Variants in GFOD1 observed in about 807,000 individuals in gnomAD.
GFOD1 encodes the protein Gfo/Idh/MocA-like oxidoreductase domain containing 1.
A neutral mutation model predicts 25.4 loss-of-function variants in GFOD1; 9 were observed. The ratio of observed to expected loss-of-function variants is 0.35; its 90% confidence interval spans 0.21 to 0.62. The LOEUF is 0.62. Among genes scored for constraint, GFOD1 ranks in the 20% least tolerant of loss-of-function variants. The probability of loss-of-function intolerance (pLI) is 0.72; values close to 1 mark genes in which losing one functional copy is unlikely to be tolerated. For missense variants in GFOD1, 403 were observed against 556.9 expected (o/e 0.72, Z 2.78); for synonymous variants, 253 against 245.6 (o/e 1.03, Z -0.28).
intron 1 of GFOD1, among the ~76,000 whole-genome samples, chr6:13,425,480 T>C (rs1341623059): frequency 2.6e-5 from 4 of 152,176 alleles, no homozygotes; most frequent in Non-Finnish European, 5.9e-5. Context: ...AGAGCTAAAA[T>C]AGACAGGATT....
chr6:13,481,346 T>C (rs892925533), intron 1 of GFOD1, among the ~76,000 whole-genome samples: 1 of 152,138 alleles, frequency 6.6e-6, no homozygotes, highest in Admixed American at 6.5e-5. Flanking sequence ...GATGAGCTGG[T>C]GCAAAGGCCA....
At position 13,435,392 on chromosome 6, in the gene GFOD1, C is replaced by T. The variant is rs115149290; in HGVS notation, c.253+51246G>A. On this transcript the variant is annotated intron_variant, in intron 1 of 1. Transcript: ENST00000379287. ...TCTCAAATAAGACTTCCTTTACTCA[C>T]GAACTACTTCAGACCCCTGGCATAT... 4.5e-3 allele frequency among the ~76,000 whole-genome samples: 684 copies of T among 152,284 alleles called. 5 individuals carry two copies. Among genetic ancestry groups the T allele is most frequent in the African/African-American group, 0.016 (655 of 41,564 alleles).
In GFOD1 at chr6:13,440,515, C is replaced by T. The variant is rs62385767; in HGVS notation, c.253+46123G>A. Among the ~76,000 whole-genome samples, 6 of 152,108 alleles carry T rather than the reference C, an allele frequency of 3.9e-5. No individual in the cohort carries two copies. In the South Asian group the frequency reaches 1.2e-3, roughly 32 times the overall value. ...CAACATGAATTCTTTATTTGTGAAC[C>T]ATGTACACCTCCTGGACTGTAATCA... On this transcript the variant is annotated intron_variant, in intron 1 of 1. Coordinates refer to ENST00000379287, the MANE Select transcript of GFOD1 (RefSeq NM_018988.4).
chr6:13,472,081 AACCCCT>A (rs1758520060), intron 1 of GFOD1: 1 of 162,282 alleles, frequency 6.2e-6, no homozygotes, highest in Admixed American at 6.5e-5. Context: ...GAAAAGTGGA[AACCCCT>A]GATAAACCCA....
At chr6:13,440,182 T>C (rs978644336) in intron 1 of GFOD1, among the ~76,000 whole-genome samples, 1 of 152,102 alleles carries the variant, frequency 6.6e-6, no homozygotes, top group African/African-American at 2.4e-5. Flanking sequence ...AGGGTTAACA[T>C]TAGTTCTTTT....
At chr6:13,413,474 G>A (rs1002232855) in intron 1 of GFOD1, among the ~76,000 whole-genome samples, 19 of 152,172 alleles carry the variant, frequency 1.2e-4, no homozygotes, top group African/African-American at 4.3e-4. Flanking sequence ...AAAAACCAAC[G>A]TGATCCTCTC....
chr6:13,391,550 C>T (rs1321746552), intron 1 of GFOD1, among the ~76,000 whole-genome samples: 2 of 149,510 alleles, frequency 1.3e-5, no homozygotes, highest in South Asian at 2.1e-4. Flanking sequence ...AAGAAATTGG[C>T]CAAGGAAAAT....
intron 1 of GFOD1, chr6:13,408,212 C>T: frequency 7.1e-6 from 3 of 424,634 alleles, no homozygotes; most frequent in Non-Finnish European, 9.5e-6. Flanking sequence ...TTGGGCCAGA[C>T]TATGGCAGGC....
intron 1 of GFOD1, among the ~76,000 whole-genome samples, chr6:13,440,734 C>T (rs535599486): frequency 2.0e-5 from 3 of 152,292 alleles, no homozygotes; most frequent in South Asian, 4.1e-4. Context: ...TCAATGTAAA[C>T]AGTAGTTGGG....
rs1259249918 is a variant in GFOD1 at position 13,365,813 on chromosome 6, G to C, written c.254-151C>G. 8 of 647,126 alleles carry C rather than the reference G, an allele frequency of 1.2e-5. No individual in the cohort carries two copies. Among genetic ancestry groups the C allele is most frequent in the Non-Finnish European group, 1.8e-5 (7 of 384,790 alleles). The allele number at this position is 647,126 out of a possible 1,614,324, so 40.1% of individuals were successfully genotyped here. Reference sequence around the variant, plus strand: ...TTGTCCCAGCACTTTGGGAGGCCAAGGCCGGAGGAGGCCTTGAGCCCAGGA... The same window carrying C: ...TTGTCCCAGCACTTTGGGAGGCCAACGCCGGAGGAGGCCTTGAGCCCAGGA... On this transcript the variant is annotated intron_variant, in intron 1 of 1. Coordinates refer to ENST00000379287, the MANE Select transcript of GFOD1 (RefSeq NM_018988.4). The surrounding 1 kb of genome is among the most constrained non-coding windows in gnomAD (Gnocchi z 9.2).
intron 1 of GFOD1, among the ~76,000 whole-genome samples, chr6:13,433,986 GA>G (rs1757792136): frequency 6.6e-6 from 1 of 152,242 alleles, no homozygotes; most frequent in Admixed American, 6.5e-5. Context: ...TGAATACTAA[GA>G]GGAAGTAAAC....
At chr6:13,484,090 G>A (rs897192346) in intron 1 of GFOD1, among the ~76,000 whole-genome samples, 1 of 152,178 alleles carries the variant, frequency 6.6e-6, no homozygotes, top group African/African-American at 2.4e-5. Flanking sequence ...AAAGGAGGAT[G>A]TGTGTGATTC....
At chr6:13,424,784 A>G (rs1786323325) in intron 1 of GFOD1, among the ~76,000 whole-genome samples, 2 of 152,072 alleles carry the variant, frequency 1.3e-5, no homozygotes, top group African/African-American at 4.8e-5. Context: ...CAAAGGTTTT[A>G]AAAACAAATT....
intron 1 of GFOD1, among the ~76,000 whole-genome samples, chr6:13,402,668 C>G (rs1198405649): frequency 6.6e-6 from 1 of 152,076 alleles, no homozygotes; most frequent in South Asian, 2.1e-4. Context: ...ATAAAAAAGA[C>G]AGAAAATAAC....
intron 1 of GFOD1, among the ~76,000 whole-genome samples, chr6:13,424,160 G>A (rs1481638290): frequency 6.6e-6 from 1 of 152,188 alleles, no homozygotes; most frequent in Non-Finnish European, 1.5e-5. Context: ...GACCAGCCTG[G>A]TCATTCACCC....
intron 1 of GFOD1, among the ~76,000 whole-genome samples, chr6:13,390,861 T>C (rs1354955945): frequency 6.6e-6 from 1 of 150,902 alleles, no homozygotes; most frequent in Non-Finnish European, 1.5e-5. Flanking sequence ...AAGGTTGTTA[T>C]GAGGGCTGCA....
intron 1 of GFOD1, among the ~76,000 whole-genome samples, chr6:13,457,054 G>A (rs1004671373): frequency 2.0e-5 from 3 of 152,162 alleles, no homozygotes; most frequent in Non-Finnish European, 4.4e-5. Flanking sequence ...TAAACAGGAA[G>A]CAAATGGGCA....
intron 1 of GFOD1, among the ~76,000 whole-genome samples, chr6:13,435,237 T>A (rs1290716367): frequency 6.6e-6 from 1 of 152,154 alleles, no homozygotes; most frequent in Non-Finnish European, 1.5e-5. Flanking sequence ...GTCTTTGACC[T>A]GTAAAATATT....
chr6:13,390,255 C>T (rs1785560778), intron 1 of GFOD1, among the ~76,000 whole-genome samples: 1 of 152,162 alleles, frequency 6.6e-6, no homozygotes, highest in African/African-American at 2.4e-5. Context: ...GTAGTTCCTC[C>T]AAACCTTCTG....
Sources: allele counts gnomAD v4.1 joint callset (sites outside exome capture counted in the v4.1 genomes callset), GRCh38; gene constraint gnomAD v4.1.1; non-coding constraint Gnocchi (gnomAD v3.1); transcripts MANE v1.5; gene names NCBI Gene and HGNC (gene_info 2026-07-23, HGNC 2026-07-21).